The following EXOC3L2 variants were observed in gnomAD, a reference collection of about 807,000 sequenced individuals.
EXOC3L2 encodes exocyst complex component 3 like 2, also known as exocyst complex component 3-like protein 2.
In EXOC3L2, 17 loss-of-function variants were observed where a neutral mutation model predicts 44.4. The observed-to-expected ratio is 0.38, with a 90% CI of 0.26 to 0.57. The LOEUF (loss-of-function observed/expected upper bound fraction) is 0.57, where lower values mean the gene tolerates loss of function less well. Among genes scored for constraint, EXOC3L2 ranks in the 20% least tolerant of loss-of-function variants. The pLI is 0.65. For missense variants in EXOC3L2, 541 were observed against 588.4 expected, an observed-to-expected ratio of 0.92 and a Z score of 0.83; for synonymous variants, 256 against 253.7, an observed-to-expected ratio of 1.01 and a Z score of -0.09.
In EXOC3L2 at chr19:45,213,280, G is replaced by A. The variant is rs1280339209; in HGVS notation, c.2198C>T (p.Ala733Val). 3.1e-6 allele frequency: 5 copies of A among 1,613,684 alleles called. No homozygotes were observed. Among genetic ancestry groups the A allele is most frequent in the Non-Finnish European group, 4.2e-6 (5 of 1,179,864 alleles). Residue 733 changes from alanine to valine, a missense_variant, in exon 12 of 12, where the codon GCC (alanine) becomes GTC (valine). Physicochemically the swap from Ala to Val is moderately conservative, Grantham distance 64. Coordinates refer to ENST00000413988, the MANE Select transcript of EXOC3L2 (RefSeq NM_001382422.1). Reference protein sequence around the residue: ...TAARQEILAVARDLELSEEGA... With the variant: ...TAARQEILAVVRDLELSEEGA... ...CTCCTCAGAGAGTTCCAGGTCCCGG[G>A]CCACGGCCAGGATCTCCTGGCGGGC...
intron 8 of EXOC3L2, among the ~76,000 whole-genome samples, chr19:45,224,340 G>A (rs1480966070): frequency 6.6e-6 from 1 of 152,072 alleles, no homozygotes; most frequent in East Asian, 1.9e-4. Flanking sequence ...GTGTTCCACT[G>A]TATAACATGG....
chr19:45,218,068 G>A (rs1265801260), intron 9 of EXOC3L2, 129 bp downstream of exon 9: 3 of 1,297,834 alleles, frequency 2.3e-6, no homozygotes, highest in African/African-American at 1.5e-5. Flanking sequence ...CCACCTTAGA[G>A]GGGTTTCCTC....
In EXOC3L2 at chr19:45,228,282, G is replaced by C; in HGVS notation, c.1270-16C>G. On this transcript the variant is annotated splice_polypyrimidine_tract_variant and intron_variant, in intron 4 of 11. Transcript: ENST00000413988. ...GGGTCTGAGCCTACAGTAGGGAGAG[G>C]GGAGACAGGCAGGAGTTGGGGGCGG... 1 of 1,612,722 alleles carries C rather than the reference G, an allele frequency of 6.2e-7. No individual in the cohort carries two copies. Among genetic ancestry groups the C allele is most frequent in the Non-Finnish European group, 8.5e-7 (1 of 1,179,250 alleles).
chr19:45,242,123 A>G (rs1482745865), intron 1 of EXOC3L2, among the ~76,000 whole-genome samples: 1 of 152,228 alleles, frequency 6.6e-6, no homozygotes, highest in Non-Finnish European at 1.5e-5. Flanking sequence ...AGCCCTGCAG[A>G]GCCACAGATA....
chr19:45,240,481 G>A (rs1028000211), intron 1 of EXOC3L2, among the ~76,000 whole-genome samples: 6 of 152,076 alleles, frequency 3.9e-5, no homozygotes, highest in Non-Finnish European at 8.8e-5. Context: ...GGGGAATGGC[G>A]AGTGGCTGCT....
At chr19:45,226,763 T>G (rs1023154453) in intron 7 of EXOC3L2, among the ~76,000 whole-genome samples, 8 of 137,560 alleles carry the variant, frequency 5.8e-5, no homozygotes, top group Non-Finnish European at 1.2e-4. Flanking sequence ...TTTTTTTTTT[T>G]TTTTTTTGAG....
In EXOC3L2 at chr19:45,213,168, G is replaced by A. The variant is rs1356468379; in HGVS notation, c.2310C>T (p.Phe770=). ...RPSFCLSLPL[F]LGRLPLSRLA... ...GCCGGGAGAGGGGGAGGCGGCCCAGGAAGAGAGGGAGGCTGAGACAGAAAG... is the reference window on the plus strand; with the variant it reads ...GCCGGGAGAGGGGGAGGCGGCCCAGAAAGAGAGGGAGGCTGAGACAGAAAG... The change falls in exon 12 of 12, where the codon TTC becomes TTT. Residue 770 remains phenylalanine (F), a synonymous_variant. Transcript: ENST00000413988. 3 of 1,599,546 alleles carry A rather than the reference G, an allele frequency of 1.9e-6. No homozygotes were observed. In the Admixed American group the frequency reaches 5.3e-5, roughly 28 times the overall value.
chr19:45,236,458 T>TC (rs1238369526), intron 2 of EXOC3L2, among the ~76,000 whole-genome samples: 4 of 90,838 alleles, frequency 4.4e-5, no homozygotes, highest in Non-Finnish European at 5.9e-5. Context: ...AGAGCTAGAC[T>TC]CCATCTCAAA....
chr19:45,220,448 C>T (rs12461144), intron 8 of EXOC3L2, among the ~76,000 whole-genome samples: 33,397 of 151,850 alleles, frequency 0.22, 4,601 homozygotes, highest in East Asian at 0.4. Context: ...CCAGCCTGGG[C>T]GACAGAGCAA....
intron 4 of EXOC3L2, among the ~76,000 whole-genome samples, chr19:45,230,537 G>A (rs1970020195): frequency 6.6e-6 from 1 of 151,898 alleles, no homozygotes; most frequent in South Asian, 2.1e-4. Flanking sequence ...TTAAAACAGA[G>A]ACAGTCTTGC....
chr19:45,236,465 CA>C (rs34024056), intron 2 of EXOC3L2, among the ~76,000 whole-genome samples: 1,048 of 44,912 alleles, frequency 0.023, 3 homozygotes, highest in African/African-American at 0.081. Context: ...GACTCCATCT[CA>C]AAAAAAAAAA....
At position 45,224,727 on chromosome 19, in the gene EXOC3L2, C is replaced by T. The variant is rs1006283103; in HGVS notation, c.1719+51G>A. 36 of 1,526,132 alleles carry T rather than the reference C, an allele frequency of 2.4e-5. No individual in the cohort carries two copies. In the African/African-American group the frequency reaches 3.2e-4, roughly 14 times the overall value. 94.5% of individuals were successfully genotyped at this position (1,526,132 alleles called of 1,614,324 possible). A position where few individuals can be genotyped will look rare whatever the true frequency, so the allele number is the denominator to read the frequency against. ...GGAACTGGAGGATGGTGGGGGGCAG[C>T]GCTTCCCTGTCCTGGCATGGGCCCC... On this transcript the variant is annotated intron_variant, in intron 8 of 11. Transcript: ENST00000413988.
chr19:45,229,921 T>C (rs1313235025), intron 4 of EXOC3L2, among the ~76,000 whole-genome samples: 1 of 148,864 alleles, frequency 6.7e-6, no homozygotes, highest in Non-Finnish European at 1.5e-5. Context: ...AATATACACA[T>C]TTATATGTTA....
intron 4 of EXOC3L2, among the ~76,000 whole-genome samples, chr19:45,230,205 A>C (rs1386519689): frequency 6.6e-6 from 1 of 151,526 alleles, no homozygotes; most frequent in Non-Finnish European, 1.5e-5. Context: ...AATGTTTTAC[A>C]AAACATTTTT....
At chr19:45,213,562 T>G (rs1200386727) in intron 11 of EXOC3L2, among the ~76,000 whole-genome samples, 2 of 151,858 alleles carry the variant, frequency 1.3e-5, no homozygotes, top group East Asian at 3.9e-4. Context: ...GAACTTCACT[T>G]CCAACCATCT....
chr19:45,213,395 C>T (rs1969800131), intron 11 of EXOC3L2, 38 bp from the exon 12 acceptor site: 2 of 1,603,530 alleles, frequency 1.2e-6, no homozygotes, highest in Admixed American at 3.5e-5. Flanking sequence ...TGCAGATCCC[C>T]AGCTCTAGAC....
Position 45,227,762 on chromosome 19 carries a change from G to A in EXOC3L2, c.1483C>T (p.Arg495Cys), listed in dbSNP as rs368887693. The A allele has an allele frequency of 4.5e-5, 72 of 1,610,796 alleles. No individual in the cohort carries two copies. Among genetic ancestry groups the A allele is most frequent in the Admixed American group, 2.4e-4 (14 of 59,382 alleles). The change falls in exon 7 of 12, where the codon CGT (arginine) becomes TGT (cysteine). Residue 495 changes from arginine (R) to cysteine (C), a missense_variant. Coordinates refer to ENST00000413988, the MANE Select transcript of EXOC3L2 (RefSeq NM_001382422.1). ...LAEFLQSFQQRVERFHENPAV... is the reference protein window; with the variant it reads ...LAEFLQSFQQCVERFHENPAV... The stretch of plus-strand genomic sequence containing the variant: ...GGGTTCTCATGGAATCGCTCCACAC[G>A]CTGCTGGAAGCTGGTGGGAGGAAAG...
intron 3 of EXOC3L2, among the ~76,000 whole-genome samples, chr19:45,233,216 A>AAAAT (rs370700043): frequency 0.032 from 4,812 of 151,898 alleles, 263 homozygotes; most frequent in African/African-American, 0.11. Context: ...ACTCCGTCTC[A>AAAAT]AAATAAATAA....
chr19:45,217,930 A>ATTCC (rs1247153064), intron 9 of EXOC3L2, among the ~76,000 whole-genome samples: 1 of 150,700 alleles, frequency 6.6e-6, no homozygotes, highest in Non-Finnish European at 1.5e-5. Flanking sequence ...GCCTCTCCCC[A>ATTCC]TTCCCCAAGC....
Sources: gnomAD v4.1 joint callset for allele counts (sites outside exome capture counted in the v4.1 genomes callset) on GRCh38, gnomAD v4.1.1 for gene constraint, MANE v1.5 for transcripts, NCBI Gene and HGNC (gene_info 2026-07-23, HGNC 2026-07-21) for gene names.